The following ASCC2 variants were observed in gnomAD, a reference collection of about 807,000 sequenced individuals.
ASCC2 encodes ASC-1 complex subunit P100.
Under a neutral mutation model 93.5 loss-of-function variants are expected in ASCC2, and 42 were observed. That is an observed-to-expected ratio of 0.45 (90% CI 0.35 to 0.58). The LOEUF is 0.58. Among genes scored for constraint, ASCC2 ranks in the 20% least tolerant of loss-of-function variants. The pLI, the probability that ASCC2 is intolerant of heterozygous loss-of-function variation, is 0.00. For synonymous variants in ASCC2, 364 were observed against 384.2 expected (o/e 0.95, Z 0.62); for missense variants, 859 against 977.6 (o/e 0.88, Z 1.62).
intron 15 of ASCC2, among the ~76,000 whole-genome samples, chr22:29,796,482 T>C (rs1457887089): frequency 6.6e-6 from 1 of 151,902 alleles, no homozygotes; most frequent in Non-Finnish European, 1.5e-5. Flanking sequence ...GTTCAGGAGG[T>C]CTGGCTGGGC....
intron 9 of ASCC2, 110 bp downstream of exon 9, chr22:29,808,001 G>T (rs1016676152): frequency 9.3e-7 from 1 of 1,077,054 alleles, no homozygotes; most frequent in Non-Finnish European, 1.4e-6. Context: ...CACAGTCCCT[G>T]GTCCCACCCA....
At chr22:29,790,415 C>T in intron 19 of ASCC2, 54 bp downstream of exon 19, 1 of 1,595,428 alleles carries the variant, frequency 6.3e-7, no homozygotes, top group Non-Finnish European at 8.6e-7. Flanking sequence ...GCTGGCTAGG[C>T]CCTCCCCAGA....
chr22:29,796,570 G>A (rs1335329298), intron 15 of ASCC2, among the ~76,000 whole-genome samples: 1 of 152,130 alleles, frequency 6.6e-6, no homozygotes, highest in Non-Finnish European at 1.5e-5. Flanking sequence ...TATGGCAGGA[G>A]GGATGGTGCA....
At chr22:29,822,550 G>A in intron 4 of ASCC2, 86 bp from the exon 5 acceptor site, 1 of 1,512,246 alleles carries the variant, frequency 6.6e-7, no homozygotes, top group South Asian at 1.2e-5. Context: ...ACGATCTTTG[G>A]TTCCATCAAA....
intron 1 of ASCC2, among the ~76,000 whole-genome samples, chr22:29,835,250 T>TA (rs2063629394): frequency 6.6e-6 from 1 of 151,882 alleles, no homozygotes; most frequent in Admixed American, 6.6e-5. Context: ...ATTCAAAAAT[T>TA]AGTCAGGTGT....
intron 8 of ASCC2, among the ~76,000 whole-genome samples, chr22:29,813,127 C>G (rs1380574698): frequency 6.6e-6 from 1 of 152,056 alleles, no homozygotes; most frequent in Admixed American, 6.5e-5. Context: ...GTGATCCACC[C>G]GCCTCGGCCT....
intron 1 of ASCC2, chr22:29,834,412 G>C (rs1022894903): frequency 1.1e-5 from 5 of 449,588 alleles, no homozygotes; most frequent in African/African-American, 1.0e-4. Flanking sequence ...CTTGGTTCTG[G>C]CCTGTTATAA....
intron 8 of ASCC2, among the ~76,000 whole-genome samples, chr22:29,809,091 C>T (rs549402482): frequency 4.9e-5 from 7 of 144,296 alleles, no homozygotes; most frequent in African/African-American, 7.7e-5. Flanking sequence ...CACTGAACTC[C>T]AGCCTGGGCA....
chr22:29,832,301 G>A lies in ASCC2; in HGVS notation c.25C>T (p.Leu9Phe), dbSNP rs1229633538. MPALPLDQ[L>F]QITHKDPKTG... Reference sequence around the variant, plus strand: ...TTCGGGTCCTTGTGGGTGATCTGGAGTTGGTCCAGGGGCAGAGCTGGCATT... The same window carrying A: ...TTCGGGTCCTTGTGGGTGATCTGGAATTGGTCCAGGGGCAGAGCTGGCATT... The change falls in exon 2 of 20, where the codon CTC becomes TTC. Residue 9 changes from leucine to phenylalanine, a missense_variant. By Grantham distance (22) the Leu-to-Phe change is conservative (BLOSUM62 0). Transcript: ENST00000307790. 2.5e-6 allele frequency: 4 copies of A among 1,614,064 alleles called. No individual in the cohort carries two copies. Among genetic ancestry groups the A allele is most frequent in the Non-Finnish European group, 2.5e-6 (3 of 1,179,962 alleles).
At position 29,800,977 on chromosome 22, in the gene ASCC2, C is replaced by A; in HGVS notation, c.1688+14G>T. The A allele has an allele frequency of 1.9e-6, 3 of 1,571,852 alleles. No homozygotes were observed. The highest frequency in any genetic ancestry group is 2.6e-6 in the Non-Finnish European group (3 of 1,149,930). On this transcript the variant is annotated intron_variant, in intron 15 of 19. Coordinates refer to ENST00000307790, the MANE Select transcript of ASCC2 (RefSeq NM_032204.5). ...GAGTTGGGGTATCGGAACCCCATGG[C>A]CCACTGCACTCACCTCTTGCCCTTG... is the stretch of plus-strand genomic sequence containing the variant.
chr22:29,832,332 G>A lies in ASCC2; in HGVS notation c.-7C>T, dbSNP rs781124116. 2 of 1,612,034 alleles carry A rather than the reference G, an allele frequency of 1.2e-6. No individual in the cohort carries two copies. Among genetic ancestry groups the A allele is most frequent in the East Asian group, 4.5e-5 (2 of 44,860 alleles). On this transcript the variant is annotated 5_prime_UTR_variant, in exon 2 of 20. Transcript: ENST00000307790. ...CCAGGGGCAGAGCTGGCATTGTGCT[G>A]CGTGACCCTCCTGAAAGGAATATGG...
intron 8 of ASCC2, among the ~76,000 whole-genome samples, chr22:29,809,050 G>A (rs1443612721): frequency 1.3e-5 from 2 of 151,056 alleles, no homozygotes; most frequent in East Asian, 3.9e-4. Context: ...AACCTGGGAG[G>A]TGGAGGTTGC....
chr22:29,814,879 T>A (rs2060659516), intron 6 of ASCC2, 112 bp from the exon 7 acceptor site: 1 of 770,310 alleles, frequency 1.3e-6, no homozygotes, highest in Non-Finnish European at 2.1e-6. Context: ...CTAGAATATT[T>A]ACCCATGTTT....
intron 13 of ASCC2, 94 bp from the exon 14 acceptor site, chr22:29,802,302 C>A: frequency 7.8e-7 from 1 of 1,281,824 alleles, no homozygotes; most frequent in Non-Finnish European, 1.1e-6. Context: ...CATCAGGGAT[C>A]TGGTTCAAGT....
intron 2 of ASCC2, among the ~76,000 whole-genome samples, chr22:29,826,831 C>A (rs1254549031): frequency 6.6e-6 from 1 of 152,038 alleles, no homozygotes; most frequent in Non-Finnish European, 1.5e-5. Context: ...GGCACAGTGG[C>A]TCATGCCTAT....
chr22:29,806,977 A>G, intron 9 of ASCC2, 73 bp from the exon 10 acceptor site: 2 of 1,164,074 alleles, frequency 1.7e-6, no homozygotes, highest in Non-Finnish European at 2.5e-6. Context: ...AGTGGTTTAC[A>G]CCTGAAACCC....
chr22:29,825,990 G>T lies in ASCC2; in HGVS notation c.82-210C>A. 1.9e-6 allele frequency: 1 copy of T among 513,014 alleles called. No individual in the cohort carries two copies. Among genetic ancestry groups the T allele is most frequent in the Non-Finnish European group, 3.4e-6 (1 of 293,216 alleles). The allele number at this position is 513,014 out of a possible 1,614,324, so 31.8% of individuals were successfully genotyped here. A position where few individuals can be genotyped will look rare whatever the true frequency, so the allele number is the denominator to read the frequency against. On this transcript the variant is annotated intron_variant, in intron 2 of 19. Coordinates refer to ENST00000307790, the MANE Select transcript of ASCC2 (RefSeq NM_032204.5). This position sits in a 1 kb window ranked among gnomAD's most constrained non-coding sequence, Gnocchi z 4.9. ...AATTAAAATCCATGTTTTCGGAGTG[G>T]ATTTAATGACACGGGGAAAGGTTAA...
intron 2 of ASCC2, among the ~76,000 whole-genome samples, chr22:29,831,450 T>G (rs1013411554): frequency 8.5e-5 from 13 of 152,242 alleles, no homozygotes; most frequent in Non-Finnish European, 1.0e-4. Flanking sequence ...TAGAATGATC[T>G]GGCACAGGGC....
chr22:29,806,925 A>G, intron 9 of ASCC2, 21 bp from the exon 10 acceptor site: 1 of 1,596,548 alleles, frequency 6.3e-7, no homozygotes, highest in Non-Finnish European at 8.6e-7. Context: ...GAGAAAAAAG[A>G]CACAGGTTTA....
Sources: allele counts gnomAD v4.1 joint callset (sites outside exome capture counted in the v4.1 genomes callset), GRCh38; gene constraint gnomAD v4.1.1; non-coding constraint Gnocchi (gnomAD v3.1); transcripts MANE v1.5; gene names NCBI Gene and HGNC (gene_info 2026-07-23, HGNC 2026-07-21).